OPCML: variants seen among roughly 807,000 people sequenced by gnomAD.
OPCML encodes the protein opioid-binding protein/cell adhesion molecule.
Under a neutral mutation model 37.8 loss-of-function variants are expected in OPCML, and 13 were observed. The ratio of observed to expected loss-of-function variants is 0.34; its 90% CI spans 0.22 to 0.55. The LOEUF (loss-of-function observed/expected upper bound fraction) is 0.55. Among genes scored for constraint, OPCML ranks in the 20% least tolerant of loss-of-function variants. OPCML has a pLI of 0.91. For synonymous variants in OPCML, 176 were observed against 168.8 expected (o/e 1.04, Z -0.33); for missense variants, 341 against 435.6 (o/e 0.78, Z 1.93).
At chr11:132,523,620 T>C (rs1279917357) in intron 4 of OPCML, among the ~76,000 whole-genome samples, 1 of 152,194 alleles carries the variant, frequency 6.6e-6, no homozygotes, top group Non-Finnish European at 1.5e-5. Flanking sequence ...GTAGCTATTT[T>C]TAAAAAGACA....
intron 1 of OPCML, among the ~76,000 whole-genome samples, chr11:133,155,143 A>C (rs899296352): frequency 2.0e-5 from 3 of 152,114 alleles, no homozygotes; most frequent in African/African-American, 7.2e-5. Context: ...TGCTAGTGAA[A>C]ACCAACAGTC....
At chr11:133,210,179 C>T (rs1272608815) in intron 1 of OPCML, among the ~76,000 whole-genome samples, 1 of 152,184 alleles carries the variant, frequency 6.6e-6, no homozygotes, top group Non-Finnish European at 1.5e-5. Flanking sequence ...AAAATGAAGT[C>T]CATTTCCAAG....
intron 4 of OPCML, among the ~76,000 whole-genome samples, chr11:132,447,266 G>A (rs957521863): frequency 6.6e-6 from 1 of 152,048 alleles, no homozygotes; most frequent in South Asian, 2.1e-4. Context: ...GGTTTTCCTG[G>A]GATAGTGCCA....
At chr11:133,021,778 T>C (rs1167709921) in intron 1 of OPCML, among the ~76,000 whole-genome samples, 1 of 152,266 alleles carries the variant, frequency 6.6e-6, no homozygotes, top group Admixed American at 6.5e-5. Context: ...TCGAAAATAA[T>C]CTGCACCCAG....
At chr11:132,935,310 A>T (rs1274175631) in intron 2 of OPCML, among the ~76,000 whole-genome samples, 1 of 152,212 alleles carries the variant, frequency 6.6e-6, no homozygotes, top group Non-Finnish European at 1.5e-5. Context: ...TTCACAATAA[A>T]TAGAAAATTA....
intron 2 of OPCML, among the ~76,000 whole-genome samples, chr11:132,896,277 T>A (rs1359600020): frequency 2.0e-5 from 3 of 152,100 alleles, no homozygotes; most frequent in Non-Finnish European, 2.9e-5. Context: ...GAAGACAGAC[T>A]TTTCATCAAT....
At chr11:133,005,320 T>G in intron 1 of OPCML, 17 of 985,428 alleles carry the variant, frequency 1.7e-5, no homozygotes, top group Non-Finnish European at 2.0e-5. Context: ...TCCCCCACAT[T>G]GCTTGGAAGT....
intron 2 of OPCML, chr11:132,772,388 C>G (rs1472638875): frequency 2.0e-5 from 3 of 152,216 alleles, no homozygotes; most frequent in Non-Finnish European, 4.4e-5. Context: ...GGAAAGTGTG[C>G]AGCTCCTTGG....
chr11:132,581,584 A>C (rs1429609866), intron 3 of OPCML, among the ~76,000 whole-genome samples: 2 of 152,184 alleles, frequency 1.3e-5, no homozygotes, highest in Non-Finnish European at 2.9e-5. Flanking sequence ...ATGGGGCAGA[A>C]AACTAAGGCA....
chr11:132,485,488 G>A (rs934247854), intron 4 of OPCML, among the ~76,000 whole-genome samples: 1 of 152,274 alleles, frequency 6.6e-6, no homozygotes, highest in Non-Finnish European at 1.5e-5. Context: ...TTAAGAAATA[G>A]CATGTTTCCT....
At chr11:132,489,662 CATT>C (rs59932936) in intron 4 of OPCML, among the ~76,000 whole-genome samples, 6 of 151,396 alleles carry the variant, frequency 4.0e-5, no homozygotes, top group Non-Finnish European at 5.9e-5. Context: ...GTCTGTGGCC[CATT>C]ATTATTATTA....
At chr11:133,436,613 T>C (rs1946238922) in intron 1 of OPCML, among the ~76,000 whole-genome samples, 1 of 152,188 alleles carries the variant, frequency 6.6e-6, no homozygotes. Context: ...ACGTACTATG[T>C]CCTGTATCAA....
At chr11:132,942,900 G>GC in intron 2 of OPCML, 26 bp downstream of exon 2, 1 of 1,613,464 alleles carries the variant, frequency 6.2e-7, no homozygotes, top group Non-Finnish European at 8.5e-7. Context: ...CAGGGGCTCG[G>GC]CCCCCGCGGA....
chr11:132,929,061 C>T (rs909454999), intron 2 of OPCML, among the ~76,000 whole-genome samples: 2 of 147,842 alleles, frequency 1.4e-5, no homozygotes, highest in Non-Finnish European at 3.0e-5. Context: ...AAAAGAAGAA[C>T]AAACTAAACA....
At chr11:133,448,367 TC>T (rs1946513158) in intron 1 of OPCML, among the ~76,000 whole-genome samples, 1 of 152,210 alleles carries the variant, frequency 6.6e-6, no homozygotes, top group African/African-American at 2.4e-5. Flanking sequence ...GGGCATTTTT[TC>T]CCCGAACATT....
At chr11:132,704,683 T>C (rs1943961813) in intron 2 of OPCML, among the ~76,000 whole-genome samples, 1 of 152,196 alleles carries the variant, frequency 6.6e-6, no homozygotes, top group Non-Finnish European at 1.5e-5. Context: ...TAGAATAAGT[T>C]TGAGCAATGG....
intron 1 of OPCML, among the ~76,000 whole-genome samples, chr11:133,315,141 T>C (rs1943175459): frequency 6.6e-6 from 1 of 152,222 alleles, no homozygotes; most frequent in African/African-American, 2.4e-5. Flanking sequence ...CTTAGTATTT[T>C]CTTAACCTTA....
intron 1 of OPCML, among the ~76,000 whole-genome samples, chr11:133,015,854 C>T (rs1947323783): frequency 6.6e-6 from 1 of 152,254 alleles, no homozygotes; most frequent in South Asian, 2.1e-4. Context: ...ACAATATCCT[C>T]CCCATCCCTA....
intron 2 of OPCML, among the ~76,000 whole-genome samples, chr11:132,925,518 G>A (rs974982413): frequency 6.6e-6 from 1 of 152,174 alleles, no homozygotes. Context: ...ACCTGGTGGG[G>A]CTTCTGGAGG....
Sources: gnomAD v4.1 joint callset for allele counts (sites outside exome capture counted in the v4.1 genomes callset) on GRCh38, gnomAD v4.1.1 for gene constraint, MANE v1.5 for transcripts, NCBI Gene and HGNC (gene_info 2026-07-23, HGNC 2026-07-21) for gene names.